ZNF142: variants seen among roughly 807,000 people sequenced by gnomAD.
ZNF142 encodes the protein zinc finger protein 142, also known as zinc finger protein 142 (clone pHZ-49).
ZNF142 carries 96 observed loss-of-function variants against 132.1 expected under a neutral mutation model. The ratio of observed to expected loss-of-function variants is 0.73; its 90% CI spans 0.62 to 0.86. The LOEUF (loss-of-function observed/expected upper bound fraction) is 0.86, where lower values mean the gene tolerates loss of function less well. Ranked by LOEUF, ZNF142 falls within the 40% of genes least tolerant of loss-of-function variation. The pLI, the probability that ZNF142 is intolerant of heterozygous loss-of-function variation, is 0.00. For missense variants in ZNF142, 2,163 were observed against 2,336.2 expected, an observed-to-expected ratio of 0.93 and a Z score of 1.53; for synonymous variants, 842 against 890.1, an observed-to-expected ratio of 0.95 and a Z score of 0.96.
chr2:218,645,204 C>A (rs780809472), intron 8 of ZNF142, 140 bp from the exon 9 acceptor site: 27 of 1,056,312 alleles, frequency 2.6e-5, no homozygotes, highest in Non-Finnish European at 3.6e-5. Flanking sequence ...CTTTTCACTA[C>A]CCTATGAAAC....
Position 218,634,534 on chromosome 2 carries a change from CTA to C in ZNF142, c.*3803_*3804del, listed in dbSNP as rs774909248. The C allele has an allele frequency of 6.2e-7, 1 of 1,614,054 alleles. No homozygotes were observed. Among genetic ancestry groups the C allele is most frequent in the Non-Finnish European group, 8.5e-7 (1 of 1,179,902 alleles). On this transcript the variant is annotated 3_prime_UTR_variant, in exon 11 of 11. Transcript: ENST00000411696. The surrounding 1 kb of genome is among the most constrained non-coding windows in gnomAD (Gnocchi z 4.0). ...ATTTCCGCCAGAATGGCGGCTGTGG[CTA>C]TGTGCTGAAGCCAGACTTCCTGCGT...
intron 7 of ZNF142, among the ~76,000 whole-genome samples, chr2:218,647,422 CAAA>C (rs35920609): frequency 0.19 from 7,373 of 38,874 alleles, 1,223 homozygotes; most frequent in East Asian, 0.39. Context: ...GACTCCATCT[CAAA>C]AAAAAAAAAA....
At chr2:218,651,330 C>G (rs189806846) in intron 5 of ZNF142, among the ~76,000 whole-genome samples, 1 of 152,196 alleles carries the variant, frequency 6.6e-6, no homozygotes, top group African/African-American at 2.4e-5. Flanking sequence ...ACTGCCCAAT[C>G]CCCAGTTGCT....
chr2:218,646,029 A>T, intron 8 of ZNF142, 142 bp downstream of exon 8: 1 of 1,139,870 alleles, frequency 8.8e-7, no homozygotes, highest in South Asian at 1.5e-5. Flanking sequence ...CTGGGATTAC[A>T]GGTGTGAGCC....
chr2:218,642,913 C>A lies in ZNF142; in HGVS notation c.4203G>T (p.Gln1401His), dbSNP rs1428893464. Residue 1401 changes from glutamine to histidine, a missense_variant, in exon 9 of 11, where the codon CAG becomes CAT. Gln to His is a conservative substitution (Grantham distance 24, BLOSUM62 0). Coordinates refer to ENST00000411696, the MANE Select transcript of ZNF142 (RefSeq NM_001379659.1). This position sits in a 1 kb window ranked among gnomAD's most constrained non-coding sequence, Gnocchi z 4.6. Reference protein sequence around the residue: ...RLKHEGVKPHQCPFCDFSTTR... With the variant: ...RLKHEGVKPHHCPFCDFSTTR... ...TGGTCGAAAAGTCACAGAAGGGGCA[C>A]TGATGGGGCTTCACCCCCTCGTGCT... The A allele has an allele frequency of 6.2e-7, 1 of 1,613,944 alleles. No homozygotes were observed.
intron 4 of ZNF142, among the ~76,000 whole-genome samples, chr2:218,655,760 C>T (rs1938423689): frequency 6.6e-6 from 1 of 152,194 alleles, no homozygotes; most frequent in South Asian, 2.1e-4. Flanking sequence ...CTGCCAAGCC[C>T]AGGGTGGTAG....
At position 218,654,640 on chromosome 2, in the gene ZNF142, T is replaced by C. The variant is rs560916894; in HGVS notation, c.280+1510A>G. Among the ~76,000 whole-genome samples, 4 of 152,252 alleles carry C rather than the reference T, an allele frequency of 2.6e-5. No homozygotes were observed. The South Asian group carries it at 8.3e-4, about 32-fold the overall frequency. On this transcript the variant is annotated intron_variant, in intron 4 of 10. Transcript: ENST00000411696. Reference sequence around the variant, plus strand: ...TCGGCCTCCCAAAGTGCTAGGATTATAGGCATGAGCCACCATGCCCAGCCA... The same window carrying C: ...TCGGCCTCCCAAAGTGCTAGGATTACAGGCATGAGCCACCATGCCCAGCCA...
chr2:218,646,992 G>A (rs1697783606), intron 7 of ZNF142, among the ~76,000 whole-genome samples: 1 of 142,302 alleles, frequency 7.0e-6, no homozygotes. Context: ...AGAACAAAAG[G>A]AAAAATAAAT....
rs1422015495 is a variant in ZNF142 at position 218,642,532 on chromosome 2, C to G, written c.4584G>C (p.Leu1528=). 1.2e-6 allele frequency: 2 copies of G among 1,610,854 alleles called. No individual in the cohort carries two copies. The highest frequency in any genetic ancestry group is 2.7e-5 in the African/African-American group (2 of 74,864). The change falls in exon 9 of 11, where the codon CTG becomes CTC. Residue 1528 remains leucine, a synonymous_variant. Coordinates refer to ENST00000411696, the MANE Select transcript of ZNF142 (RefSeq NM_001379659.1). The surrounding 1 kb of genome is among the most constrained non-coding windows in gnomAD (Gnocchi z 4.6). ...ACAGCAACCCACAGCGGGAACAGTGCAGGGGGCCCTCAGTGGTCTCTGCAG... is the reference window on the plus strand; with the variant it reads ...ACAGCAACCCACAGCGGGAACAGTGGAGGGGGCCCTCAGTGGTCTCTGCAG... ...GSPAETTEGP[L]HCSRCGLLCP...
intron 4 of ZNF142, among the ~76,000 whole-genome samples, chr2:218,653,483 AGGAGAATCGCTTGAACCT>A (rs1158332416): frequency 2.6e-5 from 4 of 152,182 alleles, no homozygotes; most frequent in African/African-American, 9.6e-5. Context: ...AGGCTGAGGC[AGGAGAATCGCTTGAACCT>A]GGGAGGTGGG....
Position 218,634,028 on chromosome 2 carries a change from A to G in ZNF142, c.*4311T>C. 2 of 1,523,420 alleles carry G rather than the reference A, an allele frequency of 1.3e-6. No individual in the cohort carries two copies. Among genetic ancestry groups the G allele is most frequent in the Non-Finnish European group, 1.8e-6 (2 of 1,126,580 alleles). 94.4% of individuals were successfully genotyped at this position (1,523,420 alleles called of 1,614,324 possible). On this transcript the variant is annotated 3_prime_UTR_variant, in exon 11 of 11. Transcript: ENST00000411696. The surrounding 1 kb of genome is among the most constrained non-coding windows in gnomAD (Gnocchi z 4.0). ...TCAGATGCTGGAGAGAAGGGTGAAG[A>G]GTAGGCATGGTCCTTGGGACTAGGG...
intron 4 of ZNF142, among the ~76,000 whole-genome samples, chr2:218,654,846 A>T (rs1384006087): frequency 1.3e-5 from 2 of 151,906 alleles, no homozygotes; most frequent in African/African-American, 4.8e-5. Flanking sequence ...AAACTTTAGG[A>T]GGCCGAGGTG....
Position 218,642,940 on chromosome 2 carries a change from G to C in ZNF142, c.4176C>G (p.Leu1392=). Residue 1392 remains leucine (L), a synonymous_variant, in exon 9 of 11, where the codon CTC becomes CTG. Coordinates refer to ENST00000411696, the MANE Select transcript of ZNF142 (RefSeq NM_001379659.1). The surrounding 1 kb of genome is among the most constrained non-coding windows in gnomAD (Gnocchi z 4.6). The part of the protein sequence containing the change: ...QSRCMQQHRR[L]KHEGVKPHQC... ...GATGGGGCTTCACCCCCTCGTGCTTGAGCCGCCGGTGCTGCTGCATGCAAC... is the reference window on the plus strand; with the variant it reads ...GATGGGGCTTCACCCCCTCGTGCTTCAGCCGCCGGTGCTGCTGCATGCAAC... 1 of 1,613,536 alleles carries C rather than the reference G, an allele frequency of 6.2e-7. No individual in the cohort carries two copies. Among genetic ancestry groups the C allele is most frequent in the Non-Finnish European group, 8.5e-7 (1 of 1,179,908 alleles).
At position 218,636,270 on chromosome 2, in the gene ZNF142, T is replaced by C. The variant is rs1462810429; in HGVS notation, c.*2069A>G. 1 of 1,614,028 alleles carries C rather than the reference T, an allele frequency of 6.2e-7. No individual in the cohort carries two copies. The highest frequency in any genetic ancestry group is 2.2e-5 in the East Asian group (1 of 44,890). On this transcript the variant is annotated 3_prime_UTR_variant, in exon 11 of 11. Transcript: ENST00000411696. The stretch of plus-strand genomic sequence containing the variant: ...TTTAATCCATACTGGGGGCAGACAC[T>C]ATGTTTCCGGGTGCTGGTGCCTGAA...
intron 4 of ZNF142, among the ~76,000 whole-genome samples, chr2:218,655,830 G>GA (rs879715561): frequency 2.0e-5 from 3 of 152,170 alleles, no homozygotes; most frequent in Admixed American, 1.3e-4. Flanking sequence ...CAATATGGAG[G>GA]AAAGAATCTC....
At chr2:218,657,587 C>T (rs1938630167) in intron 3 of ZNF142, among the ~76,000 whole-genome samples, 1 of 152,128 alleles carries the variant, frequency 6.6e-6, no homozygotes, top group Admixed American at 6.5e-5. Context: ...TACCACCACG[C>T]CTGGCTACTA....
At chr2:218,639,915 G>A (rs2106191364) in intron 10 of ZNF142, among the ~76,000 whole-genome samples, 1 of 150,928 alleles carries the variant, frequency 6.6e-6, no homozygotes, top group East Asian at 2.0e-4. Flanking sequence ...ACTTAGCCGG[G>A]CGTGGTGGCG....
chr2:218,634,416 T>C lies in ZNF142; in HGVS notation c.*3923A>G, dbSNP rs1696590186. ...TCCCTGAAAGAGGGGCTGGAAGGCC[T>C]CCATGGTGAATCTTGCTCTTCTTTT... On this transcript the variant is annotated 3_prime_UTR_variant, in exon 11 of 11. Transcript: ENST00000411696. The surrounding 1 kb of genome is among the most constrained non-coding windows in gnomAD (Gnocchi z 4.0). 2.5e-6 allele frequency: 4 copies of C among 1,595,880 alleles called. No homozygotes were observed. The highest frequency in any genetic ancestry group is 3.4e-6 in the Non-Finnish European group (4 of 1,170,608).
In ZNF142 at chr2:218,642,518, C is replaced by A. The variant is rs766056018; in HGVS notation, c.4598G>T (p.Cys1533Phe). The change falls in exon 9 of 11, where the codon TGT (cysteine) becomes TTT (phenylalanine). Residue 1533 changes from cysteine to phenylalanine, a missense_variant. Physicochemically the swap from Cys to Phe is radical, Grantham distance 205. Transcript: ENST00000411696. This position sits in a 1 kb window ranked among gnomAD's most constrained non-coding sequence, Gnocchi z 4.6. ...GGCAGGGCTGGGGCACAGCAACCCACAGCGGGAACAGTGCAGGGGGCCCTC... is the reference window on the plus strand; with the variant it reads ...GGCAGGGCTGGGGCACAGCAACCCAAAGCGGGAACAGTGCAGGGGGCCCTC... ...TTEGPLHCSR[C>F]GLLCPSPASL... The A allele has an allele frequency of 6.2e-7, 1 of 1,608,190 alleles. No individual in the cohort carries two copies. Among genetic ancestry groups the A allele is most frequent in the Admixed American group, 1.7e-5 (1 of 59,832 alleles).
Sources: gnomAD v4.1 joint callset for allele counts (sites outside exome capture counted in the v4.1 genomes callset) on GRCh38, gnomAD v4.1.1 for gene constraint, Gnocchi (gnomAD v3.1) non-coding constraint, MANE v1.5 for transcripts, NCBI Gene and HGNC (gene_info 2026-07-23, HGNC 2026-07-21) for gene names.